The following SGCD variants were observed in gnomAD, a reference collection of about 807,000 sequenced individuals.
SGCD encodes the protein sarcoglycan delta, also known as delta-sarcoglycan.
A neutral mutation model predicts 36.6 loss-of-function variants in SGCD; 18 were observed. That is an observed-to-expected ratio of 0.49 (90% CI 0.34 to 0.73). The LOEUF is 0.73. SGCD is among the 30% of genes least tolerant of loss of function. The pLI, the probability that SGCD is intolerant of heterozygous loss-of-function variation, is 0.01. For synonymous variants in SGCD, 133 were observed against 130.6 expected (o/e 1.02, Z -0.12); for missense variants, 387 against 346.7 (o/e 1.12, Z -0.92).
At chr5:156,588,619 GCA>G (rs1264438091) in intron 4 of SGCD, among the ~76,000 whole-genome samples, 2 of 152,144 alleles carry the variant, frequency 1.3e-5, no homozygotes, top group African/African-American at 4.8e-5. Context: ...GTAGATACAG[GCA>G]CAGACGGCCT....
chr5:156,224,553 G>T (rs139295292), intron 3 of SGCD, among the ~76,000 whole-genome samples: 2 of 152,104 alleles, frequency 1.3e-5, no homozygotes, highest in South Asian at 4.1e-4. Flanking sequence ...TGCATTTTAA[G>T]TTTACGAAAT....
chr5:156,344,542 G>T lies in SGCD; in HGVS notation c.57G>T (p.Gly19=). ...GGAGCACCATGCCTGGCTCTGTGGGGCCACAGGTATACAAGGTGGGGATTT... is the reference window on the plus strand; with the variant it reads ...GGAGCACCATGCCTGGCTCTGTGGGTCCACAGGTATACAAGGTGGGGATTT... ...HHRSTMPGSV[G]PQVYKVGIYG... is the part of the protein sequence containing the mutation. Residue 19 remains glycine, a synonymous_variant, in exon 3 of 9, where the codon GGG becomes GGT. Transcript: ENST00000337851. 1.2e-6 allele frequency: 2 copies of T among 1,610,960 alleles called. No homozygotes were observed. The highest frequency in any genetic ancestry group is 8.5e-7 in the Non-Finnish European group (1 of 1,178,398).
At chr5:156,479,939 A>G (rs1755350026) in intron 3 of SGCD, among the ~76,000 whole-genome samples, 1 of 152,232 alleles carries the variant, frequency 6.6e-6, no homozygotes, top group Non-Finnish European at 1.5e-5. Flanking sequence ...ATTTCAAACC[A>G]AAGCAGACAC....
At chr5:156,426,423 T>G (rs1773673792) in intron 3 of SGCD, among the ~76,000 whole-genome samples, 1 of 152,230 alleles carries the variant, frequency 6.6e-6, no homozygotes, top group South Asian at 2.1e-4. Context: ...GATTATTTGT[T>G]TTTATTCTTG....
intron 7 of SGCD, among the ~76,000 whole-genome samples, chr5:156,696,335 T>C (rs1205554974): frequency 2.0e-5 from 3 of 152,176 alleles, no homozygotes; most frequent in African/African-American, 7.2e-5. Context: ...ATAGGCAGGA[T>C]CTACATTTTG....
chr5:155,823,419 C>G, the SGCD span, among the ~76,000 whole-genome samples: 1 of 151,704 alleles, frequency 6.6e-6, no homozygotes, highest in Non-Finnish European at 1.5e-5. Flanking sequence ...GGAGGAAAAT[C>G]AACTATACTG....
intron 4 of SGCD, among the ~76,000 whole-genome samples, chr5:156,575,492 C>T (rs1759901943): frequency 6.6e-6 from 1 of 152,146 alleles, no homozygotes; most frequent in African/African-American, 2.4e-5. Flanking sequence ...TACCAGTATG[C>T]AAGTCTGGGT....
intron 1 of SGCD, among the ~76,000 whole-genome samples, chr5:155,905,067 G>T (rs1756472390): frequency 6.6e-6 from 1 of 152,096 alleles, no homozygotes; most frequent in Non-Finnish European, 1.5e-5. Flanking sequence ...CTTTCTTGAA[G>T]GGTTGTTGCC....
chr5:156,392,358 G>A (rs902768302), intron 3 of SGCD, among the ~76,000 whole-genome samples: 30 of 152,182 alleles, frequency 2.0e-4, no homozygotes, highest in African/African-American at 7.2e-4. Context: ...TAGTGAAATG[G>A]GGAAAGTTCC....
chr5:156,342,053 T>G (rs575000313), intron 2 of SGCD, among the ~76,000 whole-genome samples: 1 of 152,304 alleles, frequency 6.6e-6, no homozygotes, highest in East Asian at 1.9e-4. Context: ...AACTCTGATG[T>G]GCATCCAGGG....
intron 4 of SGCD, among the ~76,000 whole-genome samples, chr5:156,578,556 G>T (rs192040921): frequency 0.02 from 3,115 of 152,162 alleles, 128 homozygotes; most frequent in East Asian, 0.17. Flanking sequence ...GACTTCTTTT[G>T]GTTGGTAGGC....
At chr5:156,285,179 C>T (rs1766560136) in intron 3 of SGCD, among the ~76,000 whole-genome samples, 2 of 152,134 alleles carry the variant, frequency 1.3e-5, no homozygotes, top group Admixed American at 1.3e-4. Flanking sequence ...AAAGAGGATA[C>T]AAACAAATGG....
intron 3 of SGCD, among the ~76,000 whole-genome samples, chr5:156,357,165 C>T (rs541741039): frequency 6.6e-6 from 1 of 152,282 alleles, no homozygotes. Flanking sequence ...AGTCACCACA[C>T]CTGTATTGAA....
intron 1 of SGCD, among the ~76,000 whole-genome samples, chr5:156,075,552 C>G (rs1453743981): frequency 6.6e-6 from 1 of 152,064 alleles, no homozygotes; most frequent in African/African-American, 2.4e-5. Context: ...TGGAATCAAT[C>G]TGTATAAAGG....
intron 1 of SGCD, among the ~76,000 whole-genome samples, chr5:155,953,108 T>A (rs763339606): frequency 5.9e-5 from 9 of 152,154 alleles, no homozygotes; most frequent in Non-Finnish European, 1.2e-4. Flanking sequence ...AGCCTCCTCA[T>A]GCTTACTCTT....
intron 3 of SGCD, among the ~76,000 whole-genome samples, chr5:156,214,223 A>G (rs1481386614): frequency 6.6e-6 from 1 of 152,010 alleles, no homozygotes; most frequent in Non-Finnish European, 1.5e-5. Context: ...ACTTCACAAA[A>G]AACTATTAGA....
the SGCD span, among the ~76,000 whole-genome samples, chr5:155,863,904 G>A: frequency 6.6e-6 from 1 of 152,106 alleles, no homozygotes; most frequent in African/African-American, 2.4e-5. Flanking sequence ...AACAGACAAG[G>A]ACCCTACTGT....
chr5:156,090,162 G>GGC (rs1228097044), intron 1 of SGCD, among the ~76,000 whole-genome samples: 2 of 152,140 alleles, frequency 1.3e-5, no homozygotes, highest in Non-Finnish European at 2.9e-5. Flanking sequence ...CACAGAAACT[G>GGC]CTCCTAACAG....
chr5:155,989,396 T>C (rs1758389981), intron 1 of SGCD, among the ~76,000 whole-genome samples: 1 of 152,204 alleles, frequency 6.6e-6, no homozygotes, highest in Non-Finnish European at 1.5e-5. Flanking sequence ...AAAACCATTC[T>C]TAATTCATGG....
Sources: gnomAD v4.1 joint callset for allele counts (sites outside exome capture counted in the v4.1 genomes callset) on GRCh38, gnomAD v4.1.1 for gene constraint, MANE v1.5 for transcripts, NCBI Gene and HGNC (gene_info 2026-07-23, HGNC 2026-07-21) for gene names.